The following HSPG2 variants were observed in gnomAD, a reference collection of about 807,000 sequenced individuals.
HSPG2 encodes the protein basement membrane-specific heparan sulfate proteoglycan core protein.
Under a neutral mutation model 526.6 loss-of-function variants are expected in HSPG2, and 278 were observed. The observed-to-expected ratio is 0.53, with a 90% CI of 0.48 to 0.58. The LOEUF is 0.58. Ranked by LOEUF, HSPG2 falls within the 20% of genes least tolerant of loss-of-function variation. The pLI is 0.00. For synonymous variants in HSPG2, 2,465 were observed against 2,555.4 expected, an observed-to-expected ratio of 0.96 and a Z score of 1.07; for missense variants, 5,354 against 6,099.5, an observed-to-expected ratio of 0.88 and a Z score of 4.07.
intron 52 of HSPG2, among the ~76,000 whole-genome samples, 177 bp from the exon 53 acceptor site, chr1:21,852,410 A>G (rs995545428): frequency 6.6e-6 from 1 of 152,220 alleles, no homozygotes; most frequent in Non-Finnish European, 1.5e-5. Flanking sequence ...GGACCAGGGC[A>G]TGGGCCACGC....
chr1:21,870,768 G>T, intron 33 of HSPG2: 2 of 917,538 alleles, frequency 2.2e-6, no homozygotes, highest in Non-Finnish European at 2.6e-6. Flanking sequence ...ACGCAGGGCT[G>T]GGAGCACCCG....
rs114800104 is a variant in HSPG2 at position 21,865,434 on chromosome 1, A to G, written c.4315-69T>C. The G allele has an allele frequency of 7.1e-7, 1 of 1,416,694 alleles. No individual in the cohort carries two copies. Among genetic ancestry groups the G allele is most frequent in the African/African-American group, 1.4e-5 (1 of 70,984 alleles). The allele number at this position is 1,416,694 out of a possible 1,614,324, so 87.8% of individuals were successfully genotyped here. A position where few individuals can be genotyped will look rare whatever the true frequency, so the allele number is the denominator to read the frequency against. ...CTGGGGTGCCAGGGTGTCCTCCACC[A>G]GTCCTAGATTCTCTGTAACCCCCAG... On this transcript the variant is annotated intron_variant, in intron 34 of 96. Transcript: ENST00000374695. The surrounding 1 kb of genome is among the most constrained non-coding windows in gnomAD (Gnocchi z 5.4).
At chr1:21,922,706 G>A (rs1320197313) in intron 1 of HSPG2, among the ~76,000 whole-genome samples, 1 of 152,128 alleles carries the variant, frequency 6.6e-6, no homozygotes, top group African/African-American at 2.4e-5. Context: ...AGGTGGCCCT[G>A]CCTAAAACCC....
chr1:21,828,324 G>T lies in HSPG2; in HGVS notation c.12340C>A (p.Gln4114Lys). ...DSSPCERQPC[Q>K]HGATCMPAGE... The stretch of plus-strand genomic sequence containing the variant: ...GCGGGCATGCACGTGGCACCATGTT[G>T]GCAAGGCTGGCGCTCACATGGGGAG... The change falls in exon 89 of 97, where the codon CAA (glutamine) becomes AAA (lysine). Residue 4114 changes from glutamine to lysine, a missense_variant. Coordinates refer to ENST00000374695, the MANE Select transcript of HSPG2 (RefSeq NM_005529.7). The surrounding 1 kb of genome is among the most constrained non-coding windows in gnomAD (Gnocchi z 6.0). 6.2e-7 allele frequency: 1 copy of T among 1,613,796 alleles called. No individual in the cohort carries two copies. The highest frequency in any genetic ancestry group is 1.7e-5 in the Admixed American group (1 of 60,022).
At chr1:21,915,956 AAGG>A (rs1170787136) in intron 1 of HSPG2, among the ~76,000 whole-genome samples, 1 of 150,920 alleles carries the variant, frequency 6.6e-6, no homozygotes, top group Admixed American at 6.6e-5. Context: ...GAGGCTGAGG[AAGG>A]AGAATTGCTT....
At position 21,855,796 on chromosome 1, in the gene HSPG2, C is replaced by A; in HGVS notation, c.5692G>T (p.Glu1898Ter). The A allele has an allele frequency of 6.2e-7, 1 of 1,613,090 alleles. No homozygotes were observed. Among genetic ancestry groups the A allele is most frequent in the Non-Finnish European group, 8.5e-7 (1 of 1,179,834 alleles). The change falls in exon 45 of 97, where the codon GAG (glutamate) becomes TAG (stop). Residue 1898 changes from glutamate to a stop codon, truncating the protein, a stop_gained. Coordinates refer to ENST00000374695, the MANE Select transcript of HSPG2 (RefSeq NM_005529.7). LOFTEE classifies it high-confidence loss of function. ...CCCATCACGGCCTCACCTGTCCACT[C>A]GAGGGTGGGCGTGGGGCTCCCTGTG... Reference protein sequence around the residue: ...SATGSPTPTLEWTGGPGGQLP... With the variant: ...SATGSPTPTL
intron 50 of HSPG2, chr1:21,853,514 C>T (rs1009421579): frequency 1.4e-4 from 26 of 187,724 alleles, no homozygotes; most frequent in African/African-American, 5.7e-4. Flanking sequence ...GAGGCTGAGA[C>T]GGTCGGATCA....
rs1639645068 is a variant in HSPG2, at chr1:21,859,722, C to T, written c.5183-46G>A. ...GCTTGTTGGTGCAGATACACTCTTT[C>T]TCACATCCAGCCCCATGCACAAGGA... On this transcript the variant is annotated intron_variant, in intron 41 of 96. Coordinates refer to ENST00000374695, the MANE Select transcript of HSPG2 (RefSeq NM_005529.7). This position sits in a 1 kb window ranked among gnomAD's most constrained non-coding sequence, Gnocchi z 5.3. 4 of 1,583,272 alleles carry T rather than the reference C, an allele frequency of 2.5e-6. No individual in the cohort carries two copies. The African/African-American group carries it at 5.4e-5, about 21-fold the overall frequency.
In HSPG2 at chr1:21,873,807, G is replaced by A. The variant is rs11584053; in HGVS notation, c.3743+118C>T. 0.038 allele frequency: 31,723 copies of A among 832,072 alleles called. 1,186 individuals carry two copies. Among genetic ancestry groups the A allele is most frequent in the African/African-American group, 0.16 (9,406 of 58,182 alleles). 51.5% of individuals were successfully genotyped at this position (832,072 alleles called of 1,614,324 possible). ...GCTGACTGTCTTCTGGGGCCTGTGCGAGGTTAAGAGCGAGAGGCATCCCTG... is the reference window on the plus strand; with the variant it reads ...GCTGACTGTCTTCTGGGGCCTGTGCAAGGTTAAGAGCGAGAGGCATCCCTG... On this transcript the variant is annotated intron_variant, in intron 29 of 96. Transcript: ENST00000374695.
chr1:21,891,107 C>G (rs1215189234), intron 3 of HSPG2, among the ~76,000 whole-genome samples: 1 of 152,204 alleles, frequency 6.6e-6, no homozygotes, highest in African/African-American at 2.4e-5. Context: ...CTTGGCTCAG[C>G]CATTGTCTCC....
Position 21,878,187 on chromosome 1 carries a change from T to C in HSPG2, c.2684A>G (p.Lys895Arg), listed in dbSNP as rs1381560266. 1 of 1,613,634 alleles carries C rather than the reference T, an allele frequency of 6.2e-7. No homozygotes were observed. Among genetic ancestry groups the C allele is most frequent in the Non-Finnish European group, 8.5e-7 (1 of 1,179,896 alleles). ...GTGGGTGGCAGATGGCACGCGTACC[T>C]TACAGCGGCAGGCCTCCCCGGAGGT... ...MGTSGEACRC[K>R]NNVVGRLCNE... is the part of the protein sequence containing the mutation. The change falls in exon 21 of 97, where the codon AAG becomes AGG. Residue 895 changes from lysine to arginine, a missense_variant and splice_region_variant. Lys to Arg is a conservative substitution (Grantham distance 26). Transcript: ENST00000374695.
At chr1:21,844,061 G>A (rs1557701124) in intron 65 of HSPG2, 87 bp downstream of exon 65, 1 of 1,553,918 alleles carries the variant, frequency 6.4e-7, no homozygotes, top group Non-Finnish European at 8.8e-7. Flanking sequence ...AGCCCCAGTT[G>A]CTGAGGCCAC....
At position 21,823,708 on chromosome 1, in the gene HSPG2, C is replaced by T; in HGVS notation, c.12911G>A (p.Arg4304Lys). The change falls in exon 96 of 97, where the codon AGA becomes AAA. Residue 4304 changes from arginine to lysine, a missense_variant. Physicochemically the swap from Arg to Lys is conservative, Grantham distance 26 (BLOSUM62 2). Transcript: ENST00000374695. ...HRVTALREGR[R>K]GSIQVDGEEL... ...CTCACCGTCGACTTGGATGGAACCT[C>T]TGCGGCCCTCCCTGCAGTGGAACTG... 2 of 1,613,478 alleles carry T rather than the reference C, an allele frequency of 1.2e-6. No individual in the cohort carries two copies. Among genetic ancestry groups the T allele is most frequent in the Non-Finnish European group, 1.7e-6 (2 of 1,179,918 alleles).
Position 21,834,844 on chromosome 1 carries a change from G to A in HSPG2, c.10555C>T (p.Gln3519Ter). ...CCTCCAACTTTGCTCCATGTCACCT[G>A]AGGCTTGGGGTCACCCAGTGCCAGG... is the stretch of plus-strand genomic sequence containing the variant. ...ECLALGDPKPQVTWSKVGGHL... is the reference protein window; with the variant it reads ...ECLALGDPKP Residue 3519 changes from glutamine to a stop codon, truncating the protein, a stop_gained, in exon 77 of 97, where the codon CAG (glutamine) becomes TAG (stop). Transcript: ENST00000374695. LOFTEE classifies it high-confidence loss of function. 6.2e-7 allele frequency: 1 copy of A among 1,614,210 alleles called. No individual in the cohort carries two copies. The highest frequency in any genetic ancestry group is 1.1e-5 in the South Asian group (1 of 91,088).
In HSPG2 at chr1:21,846,151, C is replaced by T. The variant is rs142663602; in HGVS notation, c.8421G>A (p.Leu2807=). 9 of 1,613,018 alleles carry T rather than the reference C, an allele frequency of 5.6e-6. No individual in the cohort carries two copies. The highest frequency in any genetic ancestry group is 7.6e-6 in the Non-Finnish European group (9 of 1,180,052). ...TTGAGCCAGAGGCTTCGATGGTGAC[C>T]AGGACTGAGGCCTCCAGGGGGCCAG... ...GSSGPLEASV[L]VTIEASGSSA... Residue 2807 remains leucine, a synonymous_variant, in exon 64 of 97, where the codon CTG becomes CTA. Coordinates refer to ENST00000374695, the MANE Select transcript of HSPG2 (RefSeq NM_005529.7).
chr1:21,870,438 T>G, intron 33 of HSPG2: 2 of 268,802 alleles, frequency 7.4e-6, no homozygotes, highest in Non-Finnish European at 1.1e-5. Flanking sequence ...GGAAGAAAGA[T>G]GCATGCCCCC....
At chr1:21,852,876 C>A in intron 51 of HSPG2, 43 bp downstream of exon 51, 3 of 1,611,656 alleles carry the variant, frequency 1.9e-6, no homozygotes, top group Non-Finnish European at 2.5e-6. Context: ...GGAACAGTCC[C>A]ATCCAGCCCC....
rs1386121871 is a variant in HSPG2 at position 21,890,540 on chromosome 1, C to T, written c.354+45G>A. 1 of 1,609,458 alleles carries T rather than the reference C, an allele frequency of 6.2e-7. No homozygotes were observed. The highest frequency in any genetic ancestry group is 8.5e-7 in the Non-Finnish European group (1 of 1,175,852). On this transcript the variant is annotated intron_variant, in intron 4 of 96. Transcript: ENST00000374695. The surrounding 1 kb of genome is among the most constrained non-coding windows in gnomAD (Gnocchi z 4.1). ...AGAGGCCTTCACCCCATCCTCGGTC[C>T]TGCCCCGCCACACCCGCGAGCTTCC... is the stretch of plus-strand genomic sequence containing the variant.
chr1:21,827,894 G>A lies in HSPG2; in HGVS notation c.12558C>T (p.Ser4186=), dbSNP rs11552570. ...QQGSGHGIAE[S]DWHLEGSGGN... ...CCCCGCTGCCTTCAAGATGCCAGTC[G>A]GACTCTGCTATGCCATGTCCAGAGC... Residue 4186 remains serine, a synonymous_variant, in exon 91 of 97, where the codon TCC becomes TCT. Transcript: ENST00000374695. 0.049 allele frequency: 78,308 copies of A among 1,596,140 alleles called. 2,320 individuals are homozygous for A. Among genetic ancestry groups the A allele is most frequent in the South Asian group, 0.089 (7,801 of 87,918 alleles).
Sources: allele counts gnomAD v4.1 joint callset (sites outside exome capture counted in the v4.1 genomes callset), GRCh38; gene constraint gnomAD v4.1.1; non-coding constraint Gnocchi (gnomAD v3.1); transcripts MANE v1.5; gene names NCBI Gene and HGNC (gene_info 2026-07-23, HGNC 2026-07-21).